The following ROR2 variants were observed in gnomAD, a reference collection of about 807,000 sequenced individuals.
ROR2 encodes the protein ROR family WNT receptor 2.
Under a neutral mutation model 74.9 loss-of-function variants are expected in ROR2, and 33 were observed. That is an observed-to-expected ratio of 0.44 (90% CI 0.33 to 0.59). The LOEUF (loss-of-function observed/expected upper bound fraction) is 0.59, where lower values mean the gene tolerates loss of function less well. ROR2 is among the 20% of genes least tolerant of loss of function. The pLI, the probability that ROR2 is intolerant of heterozygous loss-of-function variation, is 0.02. For missense variants in ROR2, 1,216 were observed against 1,313.8 expected, an observed-to-expected ratio of 0.93 and a Z score of 1.15; for synonymous variants, 586 against 558.7, an observed-to-expected ratio of 1.05 and a Z score of -0.69.
chr9:91,804,780 AT>A (rs1029228752), intron 1 of ROR2, among the ~76,000 whole-genome samples: 2 of 152,198 alleles, frequency 1.3e-5, no homozygotes, highest in African/African-American at 4.8e-5. Flanking sequence ...AGAAGCATGA[AT>A]GAGAACGGGC....
intron 1 of ROR2, among the ~76,000 whole-genome samples, chr9:91,829,207 C>G (rs1794297677): frequency 6.6e-6 from 1 of 152,208 alleles, no homozygotes; most frequent in Non-Finnish European, 1.5e-5. Flanking sequence ...GATTAACATG[C>G]TCTACCCTTC....
intron 1 of ROR2, among the ~76,000 whole-genome samples, chr9:91,777,643 A>T (rs2118943150): frequency 6.6e-6 from 1 of 152,160 alleles, no homozygotes; most frequent in South Asian, 2.1e-4. Flanking sequence ...GAAATTCCAG[A>T]ACATTTCATC....
At chr9:91,911,284 T>C (rs1313084817) in intron 1 of ROR2, among the ~76,000 whole-genome samples, 10 of 152,252 alleles carry the variant, frequency 6.6e-5, no homozygotes, top group Non-Finnish European at 1.2e-4. Context: ...TCTGTTGCCA[T>C]GCGTGCATCA....
chr9:91,948,511 CA>C (rs1274855125), intron 1 of ROR2: 29 of 946,362 alleles, frequency 3.1e-5, no homozygotes, highest in Non-Finnish European at 3.5e-5. Context: ...GCTCCCTTCC[CA>C]AATCAAGTAA....
intron 1 of ROR2, among the ~76,000 whole-genome samples, chr9:91,800,139 C>G (rs1416223221): frequency 1.3e-5 from 2 of 152,068 alleles, no homozygotes; most frequent in African/African-American, 4.8e-5. Flanking sequence ...GTCAGGAGTT[C>G]GAGACCAGTC....
rs151263753 is a variant in ROR2, at chr9:91,837,212, C to T, written c.98-61394G>A. On this transcript the variant is annotated intron_variant, in intron 1 of 8. Coordinates refer to ENST00000375708, the MANE Select transcript of ROR2 (RefSeq NM_004560.4). Reference sequence around the variant, plus strand: ...TCTGTCGCCCAAGCGAGTGCAGTGGCGCGATCTCAGCCACCACGCCCAGCT... The same window carrying T: ...TCTGTCGCCCAAGCGAGTGCAGTGGTGCGATCTCAGCCACCACGCCCAGCT... Among the ~76,000 whole-genome samples the T allele has an allele frequency of 2.5e-3, 375 of 152,086 alleles. 1 individual carries two copies. The highest frequency in any genetic ancestry group is 8.3e-3 in the African/African-American group (344 of 41,500).
chr9:91,741,769 G>C (rs937415920), intron 4 of ROR2, among the ~76,000 whole-genome samples: 4 of 152,178 alleles, frequency 2.6e-5, no homozygotes, highest in Non-Finnish European at 5.9e-5. Flanking sequence ...AGACAGAGCA[G>C]ACCAGCCACA....
At chr9:91,755,854 C>T in intron 4 of ROR2, 1 of 618,440 alleles carries the variant, frequency 1.6e-6, no homozygotes, top group Non-Finnish European at 2.9e-6. Context: ...AAGAAATTAA[C>T]CATTTTTGTT....
At chr9:91,735,066 T>C (rs1352500983) in intron 5 of ROR2, among the ~76,000 whole-genome samples, 1 of 152,218 alleles carries the variant, frequency 6.6e-6, no homozygotes, top group East Asian at 1.9e-4. Context: ...TGTCTAAGAA[T>C]GCCAAAGCTG....
At chr9:91,914,641 A>G (rs899315085) in intron 1 of ROR2, among the ~76,000 whole-genome samples, 3 of 151,874 alleles carry the variant, frequency 2.0e-5, no homozygotes, top group African/African-American at 7.3e-5. Flanking sequence ...TTTCCCCAAA[A>G]CTCCTCTGCC....
chr9:91,895,924 A>G (rs1235867966), intron 1 of ROR2, among the ~76,000 whole-genome samples: 2 of 152,224 alleles, frequency 1.3e-5, no homozygotes, highest in Non-Finnish European at 2.9e-5. Flanking sequence ...TTGGTGATAC[A>G]GGGAAGCCAA....
chr9:91,949,304 T>A (rs1321110284), intron 1 of ROR2, among the ~76,000 whole-genome samples: 1 of 150,660 alleles, frequency 6.6e-6, no homozygotes, highest in Admixed American at 6.6e-5. Context: ...GCCCGCGGGC[T>A]GGGAAAGTCA....
chr9:91,912,939 C>A (rs1489744168), intron 1 of ROR2, among the ~76,000 whole-genome samples: 1 of 152,090 alleles, frequency 6.6e-6, no homozygotes, highest in Admixed American at 6.5e-5. Flanking sequence ...GACCAGCCTG[C>A]CCAACATGGC....
intron 7 of ROR2, among the ~76,000 whole-genome samples, chr9:91,729,998 C>G (rs932244443): frequency 2.0e-5 from 3 of 152,112 alleles, no homozygotes; most frequent in Admixed American, 6.5e-5. Flanking sequence ...GTTTTGTTGC[C>G]TAGACTGGAG....
At position 91,733,507 on chromosome 9, in the gene ROR2, C is replaced by A; in HGVS notation, c.623-71G>T. 1.3e-6 allele frequency: 2 copies of A among 1,493,390 alleles called. No individual in the cohort carries two copies. The highest frequency in any genetic ancestry group is 2.5e-5 in the South Asian group (2 of 80,172). 92.5% of individuals were successfully genotyped at this position (1,493,390 alleles called of 1,614,324 possible). A position where few individuals can be genotyped will look rare whatever the true frequency, so the allele number is the denominator to read the frequency against. On this transcript the variant is annotated intron_variant, in intron 5 of 8. Transcript: ENST00000375708. This position sits in a 1 kb window ranked among gnomAD's most constrained non-coding sequence, Gnocchi z 5.7. The stretch of plus-strand genomic sequence containing the variant: ...CCCTTGACATTCATCCAGTCCCCAC[C>A]CCCAGCCTGGCATCCCAGACTGCCC...
rs141293136 is a variant in ROR2, at chr9:91,795,920, G to A, written c.98-20102C>T. Among the ~76,000 whole-genome samples, 316 of 152,314 alleles carry A rather than the reference G, an allele frequency of 2.1e-3. 3 individuals carry two copies. The highest frequency in any genetic ancestry group is 6.8e-3 in the African/African-American group (283 of 41,560). On this transcript the variant is annotated intron_variant, in intron 1 of 8. Transcript: ENST00000375708. ...GTGCACACTCACACCCATGACCCCT[G>A]ACTCAGAGGCTCCCGGTGATGCCAT...
chr9:91,726,140 T>G (rs1247059866), intron 8 of ROR2, among the ~76,000 whole-genome samples: 1 of 152,190 alleles, frequency 6.6e-6, no homozygotes, highest in Non-Finnish European at 1.5e-5. Flanking sequence ...TCTCCTATCC[T>G]TCCCTGTAAA....
intron 1 of ROR2, among the ~76,000 whole-genome samples, chr9:91,892,648 G>A (rs1051479353): frequency 1.4e-5 from 2 of 138,972 alleles, no homozygotes; most frequent in African/African-American, 2.7e-5. Context: ...GGAGTGCAGT[G>A]GTGTGATCTC....
In ROR2 at chr9:91,757,281, C is replaced by T; in HGVS notation, c.454G>A (p.Val152Met). The T allele has an allele frequency of 2.5e-6, 4 of 1,614,046 alleles. No individual in the cohort carries two copies. Among genetic ancestry groups the T allele is most frequent in the African/African-American group, 1.3e-5 (1 of 75,028 alleles). Residue 152 changes from valine to methionine, a missense_variant, in exon 3 of 9, where the codon GTG becomes ATG. Val to Met is a conservative substitution (Grantham distance 21). Coordinates refer to ENST00000375708, the MANE Select transcript of ROR2 (RefSeq NM_004560.4). ...TCACTGTCCAACTCACCCAGCCGCA[C>T]AAACAGGACGCCAGTGGCGGTAATG... ...KTITATGVLF[V>M]RLGPTHSPNH...
Sources: gnomAD v4.1 joint callset for allele counts (sites outside exome capture counted in the v4.1 genomes callset) on GRCh38, gnomAD v4.1.1 for gene constraint, Gnocchi (gnomAD v3.1) non-coding constraint, MANE v1.5 for transcripts, NCBI Gene and HGNC (gene_info 2026-07-23, HGNC 2026-07-21) for gene names.